NSDHL: variants seen among roughly 807,000 people sequenced by gnomAD.
The protein encoded by NSDHL is NAD(P) dependent 3-beta-hydroxysteroid dehydrogenase NSDHL.
In NSDHL, 1 loss-of-function variant was observed where a neutral mutation model predicts 23.0. That is an observed-to-expected ratio of 0.04 (90% CI 0.02 to 0.21). The LOEUF is 0.21. Ranked by LOEUF, NSDHL falls within the 10% of genes least tolerant of loss-of-function variation. The pLI, the probability that NSDHL is intolerant of heterozygous loss-of-function variation, is 1.00. For synonymous variants in NSDHL, 128 were observed against 121.1 expected, an observed-to-expected ratio of 1.06 and a Z score of -0.37; for missense variants, 237 against 300.9, an observed-to-expected ratio of 0.79 and a Z score of 1.57.
chrX:152,845,131 C>T (rs1391904312), intron 1 of NSDHL, among the ~76,000 whole-genome samples: 1 of 112,021 alleles, frequency 8.9e-6, no homozygotes, highest in Non-Finnish European at 1.9e-5. Context: ...CAAATGGCTC[C>T]TCCAGACATT....
chrX:152,849,539 C>T (rs1556846006), intron 2 of NSDHL, among the ~76,000 whole-genome samples: 1 of 112,650 alleles, frequency 8.9e-6, no homozygotes, highest in Non-Finnish European at 1.9e-5. Context: ...CCCAAGGAAT[C>T]GTGTGTGTTG....
intron 1 of NSDHL, among the ~76,000 whole-genome samples, chrX:152,837,655 C>T (rs781845992): frequency 4.5e-5 from 5 of 111,966 alleles, no homozygotes; most frequent in East Asian, 2.8e-4. Flanking sequence ...CCCACTTGAT[C>T]GTGGTGGATA....
intron 5 of NSDHL, among the ~76,000 whole-genome samples, chrX:152,865,059 C>T (rs1015334560): frequency 1.6e-4 from 18 of 112,522 alleles, no homozygotes; most frequent in African/African-American, 5.8e-4. Flanking sequence ...CTTTTACCCA[C>T]GATAAAACAA....
chrX:152,853,057 A>G (rs1335107553), intron 3 of NSDHL, among the ~76,000 whole-genome samples: 1 of 108,871 alleles, frequency 9.2e-6, no homozygotes, highest in Non-Finnish European at 1.9e-5. Context: ...ATCCCATCTC[A>G]TGGATTAATT....
intron 1 of NSDHL, 34 bp from the exon 2 acceptor site, chrX:152,846,248 A>G: frequency 1.3e-6 from 1 of 753,879 alleles, no homozygotes; most frequent in Non-Finnish European, 2.1e-6. Context: ...TGACTTAGGC[A>G]ACATTAATGT....
At chrX:152,835,634 A>G (rs1413330998) in intron 1 of NSDHL, among the ~76,000 whole-genome samples, 1 of 111,055 alleles carries the variant, frequency 9.0e-6, no homozygotes, top group African/African-American at 3.3e-5. Context: ...TGAACTCATC[A>G]TTTTTCATGG....
At chrX:152,833,640 A>C (rs1933048857) in intron 1 of NSDHL, among the ~76,000 whole-genome samples, 1 of 112,181 alleles carries the variant, frequency 8.9e-6, no homozygotes, top group African/African-American at 3.2e-5. Context: ...AATGTCTTTC[A>C]GGACACCATG....
intron 3 of NSDHL, among the ~76,000 whole-genome samples, chrX:152,851,331 G>A (rs1435067195): frequency 4.5e-5 from 5 of 111,485 alleles, no homozygotes; most frequent in African/African-American, 9.8e-5. Flanking sequence ...CTGGGTGATC[G>A]GCTTTCAGGC....
chrX:152,850,788 A>G (rs782310240), intron 3 of NSDHL, among the ~76,000 whole-genome samples: 1 of 112,553 alleles, frequency 8.9e-6, no homozygotes, highest in East Asian at 2.8e-4. Flanking sequence ...TTGAGATATA[A>G]TTCATGTACC....
chrX:152,855,028 G>T (rs183753805), intron 3 of NSDHL, among the ~76,000 whole-genome samples: 2,508 of 100,504 alleles, frequency 0.025, 83 homozygotes, highest in African/African-American at 0.089. Context: ...GGAGTCTTGC[G>T]CTGTCGCCCA....
intron 1 of NSDHL, among the ~76,000 whole-genome samples, chrX:152,845,336 G>C (rs1398961755): frequency 6.2e-5 from 7 of 112,215 alleles, no homozygotes; most frequent in Non-Finnish European, 1.1e-4. Context: ...GAAGTGTTCT[G>C]TGAATCTAGC....
intron 2 of NSDHL, 61 bp from the exon 3 acceptor site, chrX:152,850,204 G>A: frequency 1.8e-6 from 2 of 1,112,646 alleles, no homozygotes; most frequent in Non-Finnish European, 2.5e-6. Context: ...TGTAAGTCTG[G>A]ACTCTGTAGC....
At chrX:152,864,898 T>C (rs1556847889) in intron 5 of NSDHL, among the ~76,000 whole-genome samples, 2 of 111,538 alleles carry the variant, frequency 1.8e-5, no homozygotes, top group African/African-American at 6.5e-5. Context: ...AGACCAGCAC[T>C]TTGCTACCAT....
intron 1 of NSDHL, among the ~76,000 whole-genome samples, chrX:152,840,150 G>A (rs1933166666): frequency 8.9e-6 from 1 of 112,118 alleles, no homozygotes; most frequent in African/African-American, 3.2e-5. Context: ...TTTCAGCTCC[G>A]TCAGGGCATT....
At chrX:152,832,981 T>A (rs1933037098) in intron 1 of NSDHL, among the ~76,000 whole-genome samples, 1 of 111,341 alleles carries the variant, frequency 9.0e-6, no homozygotes, top group Non-Finnish European at 1.9e-5. Flanking sequence ...CAGGATCAGC[T>A]CCTCCTCATC....
chrX:152,834,948 A>C (rs935634860), intron 1 of NSDHL, among the ~76,000 whole-genome samples: 1 of 111,967 alleles, frequency 8.9e-6, no homozygotes, highest in African/African-American at 3.2e-5. Flanking sequence ...GACCTTGTGC[A>C]AGGGTGGGGC....
intron 1 of NSDHL, among the ~76,000 whole-genome samples, chrX:152,840,869 A>G (rs1316109223): frequency 8.8e-6 from 1 of 113,315 alleles, no homozygotes; most frequent in Non-Finnish European, 1.9e-5. Flanking sequence ...TAAGTCTGCC[A>G]AAGTTTCTGC....
chrX:152,867,541 C>A (rs540923188), intron 6 of NSDHL, 30 bp from the exon 7 acceptor site: 1 of 1,056,887 alleles, frequency 9.5e-7, no homozygotes. Context: ...GCTCCCAGCA[C>A]GTATTCCATC....
intron 3 of NSDHL, among the ~76,000 whole-genome samples, chrX:152,857,099 A>T (rs1360336146): frequency 1.8e-5 from 2 of 112,016 alleles, no homozygotes; most frequent in Non-Finnish European, 3.8e-5. Context: ...GAAAATAACA[A>T]TTGGGGTCAG....
Sources: allele counts gnomAD v4.1 joint callset (sites outside exome capture counted in the v4.1 genomes callset), GRCh38; gene constraint gnomAD v4.1.1; transcripts MANE v1.5; gene names NCBI Gene and HGNC (gene_info 2026-07-23, HGNC 2026-07-21).